The following SNTG2 variants were observed in gnomAD, a reference collection of about 807,000 sequenced individuals.
SNTG2 encodes gamma-2-syntrophin.
A neutral mutation model predicts 70.9 loss-of-function variants in SNTG2; 74 were observed. The ratio of observed to expected loss-of-function variants is 1.04; its 90% CI spans 0.86 to 1.27. SNTG2 has a LOEUF of 1.27. Among genes scored for constraint, SNTG2 ranks in the 50% most tolerant of loss-of-function variants. The probability of loss-of-function intolerance (pLI) is 0.00; values close to 1 mark genes in which losing one functional copy is unlikely to be tolerated. For missense variants in SNTG2, 717 were observed against 690.7 expected, an observed-to-expected ratio of 1.04 and a Z score of -0.43; for synonymous variants, 278 against 273.8, an observed-to-expected ratio of 1.02 and a Z score of -0.15.
At chr2:1,216,794 C>T (rs952062385) in intron 9 of SNTG2, among the ~76,000 whole-genome samples, 1 of 152,172 alleles carries the variant, frequency 6.6e-6, no homozygotes, top group African/African-American at 2.4e-5. Context: ...CATGATCCCA[C>T]GTGCCTAGGG....
intron 1 of SNTG2, among the ~76,000 whole-genome samples, chr2:977,043 C>G (rs1660928203): frequency 6.6e-6 from 1 of 152,202 alleles, no homozygotes; most frequent in South Asian, 2.1e-4. Context: ...TATGCCTGCT[C>G]TCTGCACGGC....
At chr2:1,113,335 G>A (rs1205889399) in intron 4 of SNTG2, among the ~76,000 whole-genome samples, 4 of 152,100 alleles carry the variant, frequency 2.6e-5, no homozygotes, top group Admixed American at 6.5e-5. Flanking sequence ...CTTTGAGAAG[G>A]ATCGTGTGTA....
chr2:1,239,642 A>G (rs1273974037), intron 10 of SNTG2, 96 bp from the exon 11 acceptor site: 13 of 1,328,020 alleles, frequency 9.8e-6, no homozygotes, highest in Non-Finnish European at 1.4e-5. Context: ...CCTGTTTCCC[A>G]GGACAGAGCG....
rs182114320 is a variant in SNTG2, at chr2:1,239,251, G to A, written c.850-487G>A. On this transcript the variant is annotated intron_variant, in intron 10 of 16. Transcript: ENST00000308624. ...AGAACAGAAATGTGGACTCTGAGCTGCCTCCCGGCTGTGTGGCTGTGGGCT... is the reference window on the plus strand; with the variant it reads ...AGAACAGAAATGTGGACTCTGAGCTACCTCCCGGCTGTGTGGCTGTGGGCT... Among the ~76,000 whole-genome samples, 7 of 152,272 alleles carry A rather than the reference G, an allele frequency of 4.6e-5. No homozygotes were observed. The East Asian group carries it at 5.8e-4, about 13-fold the overall frequency.
intron 1 of SNTG2, among the ~76,000 whole-genome samples, chr2:1,024,948 A>G (rs1169106626): frequency 6.6e-6 from 1 of 152,216 alleles, no homozygotes; most frequent in African/African-American, 2.4e-5. Context: ...AATAAATGGC[A>G]GGATATAATG....
chr2:1,281,797 C>G (rs1216459744), intron 14 of SNTG2, among the ~76,000 whole-genome samples: 2 of 152,108 alleles, frequency 1.3e-5, no homozygotes, highest in Non-Finnish European at 2.9e-5. Context: ...GGGACCCTTG[C>G]CCTGCCTGAA....
intron 8 of SNTG2, among the ~76,000 whole-genome samples, chr2:1,190,239 A>T (rs890925371): frequency 6.6e-6 from 1 of 151,980 alleles, no homozygotes; most frequent in African/African-American, 2.4e-5. Flanking sequence ...TAAGACCCTT[A>T]TATAAAATGG....
At chr2:1,277,576 C>CT (rs1281651952) in intron 14 of SNTG2, among the ~76,000 whole-genome samples, 18 of 152,182 alleles carry the variant, frequency 1.2e-4, no homozygotes, top group Middle Eastern at 3.2e-3. Flanking sequence ...ATTAGTAAGA[C>CT]TTTTTGCTTT....
chr2:1,272,495 T>A (rs200343286), intron 14 of SNTG2, among the ~76,000 whole-genome samples: 1 of 90,134 alleles, frequency 1.1e-5, no homozygotes, highest in Non-Finnish European at 2.1e-5. Flanking sequence ...AGGATTCTGT[T>A]AGGACATCCC....
intron 9 of SNTG2, among the ~76,000 whole-genome samples, chr2:1,233,199 C>T (rs921906245): frequency 6.6e-6 from 1 of 152,170 alleles, no homozygotes; most frequent in Non-Finnish European, 1.5e-5. Context: ...TAAGAATTCT[C>T]AGTTTTTAGG....
intron 12 of SNTG2, among the ~76,000 whole-genome samples, chr2:1,249,085 G>A (rs994628138): frequency 1.3e-5 from 2 of 152,146 alleles, no homozygotes; most frequent in African/African-American, 2.4e-5. Flanking sequence ...AATTGCTAAC[G>A]TGCGTAAACT....
intron 8 of SNTG2, among the ~76,000 whole-genome samples, chr2:1,184,732 T>TTCTTCTGA (rs1672141274): frequency 6.6e-6 from 1 of 152,164 alleles, no homozygotes; most frequent in Non-Finnish European, 1.5e-5. Flanking sequence ...TTCAATCACC[T>TTCTTCTGA]CCCATCAGGC....
intron 6 of SNTG2, among the ~76,000 whole-genome samples, chr2:1,157,437 C>T (rs1456264796): frequency 2.6e-5 from 4 of 152,208 alleles, no homozygotes; most frequent in Non-Finnish European, 5.9e-5. Flanking sequence ...CAGACACTCA[C>T]ACGTGCACAA....
intron 1 of SNTG2, among the ~76,000 whole-genome samples, chr2:1,047,560 G>GC (rs1661809352): frequency 1.3e-5 from 2 of 152,170 alleles, no homozygotes. Context: ...TTTTCAGAGG[G>GC]CCAAGGCTTT....
At position 1,290,261 on chromosome 2, in the gene SNTG2, T is replaced by G. The variant is rs1679934594; in HGVS notation, c.1285-18233T>G. 2.6e-5 allele frequency among the ~76,000 whole-genome samples: 4 copies of G among 151,566 alleles called. No individual in the cohort carries two copies. The South Asian group carries it at 8.4e-4, about 32-fold the overall frequency. On this transcript the variant is annotated intron_variant, in intron 14 of 16. Transcript: ENST00000308624. ...GGCAGAAGGCAAAAGGGAAGAAAGC[T>G]GTCTTCACATGGTGGAGAGGGACAG...
intron 16 of SNTG2, among the ~76,000 whole-genome samples, chr2:1,320,798 A>G (rs909947476): frequency 6.6e-6 from 1 of 152,166 alleles, no homozygotes; most frequent in Non-Finnish European, 1.5e-5. Flanking sequence ...GATTATAGAG[A>G]CATAGCTTGG....
chr2:1,109,110 A>C (rs1250754149), intron 4 of SNTG2, among the ~76,000 whole-genome samples: 1 of 152,144 alleles, frequency 6.6e-6, no homozygotes, highest in Admixed American at 6.5e-5. Context: ...ACTGGGGCGC[A>C]GGGTATGGAG....
In SNTG2 at chr2:1,160,607, C is replaced by G. The variant is rs193010660; in HGVS notation, c.412-4941C>G. 4.6e-5 allele frequency: 7 copies of G among 152,234 alleles called. No individual in the cohort carries two copies. The East Asian group carries it at 1.4e-3, about 30-fold the overall frequency. 9.4% of individuals were successfully genotyped at this position (152,234 alleles called of 1,614,324 possible). ...ATTTCGGACTGGACTTTGTGTCCCC[C>G]CAGATTCACATGTCGAAGCCCTAAC... On this transcript the variant is annotated intron_variant, in intron 6 of 16. Transcript: ENST00000308624.
chr2:1,118,925 A>G (rs912000985), intron 4 of SNTG2, among the ~76,000 whole-genome samples: 2 of 152,212 alleles, frequency 1.3e-5, no homozygotes, highest in Non-Finnish European at 2.9e-5. Context: ...ATGAAGCTCA[A>G]AGATCACCAA....
Sources: allele counts gnomAD v4.1 joint callset (sites outside exome capture counted in the v4.1 genomes callset), GRCh38; gene constraint gnomAD v4.1.1; transcripts MANE v1.5; gene names NCBI Gene and HGNC (gene_info 2026-07-23, HGNC 2026-07-21).